BCKDHB: variants seen among roughly 807,000 people sequenced by gnomAD.
The protein encoded by BCKDHB is 2-oxoisovalerate dehydrogenase subunit beta, mitochondrial.
In BCKDHB, 41 loss-of-function variants were observed where a neutral mutation model predicts 48.5. The observed-to-expected ratio is 0.85, with a 90% CI of 0.66 to 1.10. BCKDHB has a LOEUF of 1.10. Among genes scored for constraint, BCKDHB ranks in the 50% least tolerant of loss-of-function variants. The probability of loss-of-function intolerance (pLI) is 0.00; values close to 1 mark genes in which losing one functional copy is unlikely to be tolerated. For synonymous variants in BCKDHB, 201 were observed against 174.8 expected (o/e 1.15, Z -1.18); for missense variants, 496 against 494.2 (o/e 1.00, Z -0.03).
At chr6:80,217,849 C>G (rs1335398906) in intron 8 of BCKDHB, among the ~76,000 whole-genome samples, 3 of 152,128 alleles carry the variant, frequency 2.0e-5, no homozygotes, top group Non-Finnish European at 4.4e-5. Context: ...AGCTTGGTAA[C>G]TAGAGCGAAG....
At chr6:80,356,340 G>T in the BCKDHB span, 1 of 152,162 alleles carries the variant, frequency 6.6e-6, no homozygotes, top group Non-Finnish European at 1.5e-5. Context: ...AACAATAAAA[G>T]TGTTCAAATA....
the BCKDHB span, among the ~76,000 whole-genome samples, chr6:80,464,050 CT>C: frequency 0.035 from 5,280 of 152,170 alleles, 321 homozygotes; most frequent in African/African-American, 0.12. Flanking sequence ...TGCCCTCCCA[CT>C]TTCTACCCGA....
chr6:80,381,414 C>T, the BCKDHB span, among the ~76,000 whole-genome samples: 3 of 152,018 alleles, frequency 2.0e-5, no homozygotes, highest in Non-Finnish European at 2.9e-5. Context: ...ATCGATAAAG[C>T]CATAAACAGA....
chr6:80,436,147 C>CT, the BCKDHB span, among the ~76,000 whole-genome samples: 36,758 of 69,504 alleles, frequency 0.53, 16,213 homozygotes, highest in East Asian at 0.79. Context: ...AAATTCTTTT[C>CT]TTTTTTTTTT....
the BCKDHB span, among the ~76,000 whole-genome samples, chr6:80,410,636 T>C: frequency 2.6e-5 from 4 of 152,216 alleles, no homozygotes; most frequent in East Asian, 3.8e-4. Flanking sequence ...GGAGGCTTTG[T>C]TCATTTCTTT....
chr6:80,218,095 G>A (rs574721518), intron 8 of BCKDHB, among the ~76,000 whole-genome samples: 3 of 152,270 alleles, frequency 2.0e-5, no homozygotes, highest in African/African-American at 7.2e-5. Flanking sequence ...ATGTGCTGGG[G>A]CAGATTGTAC....
intron 8 of BCKDHB, among the ~76,000 whole-genome samples, chr6:80,248,586 G>T (rs556875377): frequency 2.0e-5 from 3 of 152,296 alleles, no homozygotes; most frequent in East Asian, 3.9e-4. Flanking sequence ...CAGTGGTGCT[G>T]TCATTCACCA....
chr6:80,429,630 C>T, the BCKDHB span, among the ~76,000 whole-genome samples: 5,257 of 152,124 alleles, frequency 0.035, 316 homozygotes, highest in African/African-American at 0.12. Flanking sequence ...ATTCTCTTAG[C>T]AGCAATTGTG....
At chr6:80,433,498 C>T in the BCKDHB span, among the ~76,000 whole-genome samples, 3 of 152,200 alleles carry the variant, frequency 2.0e-5, no homozygotes, top group African/African-American at 7.2e-5. Context: ...CAATGGCAGA[C>T]ACCCCTCCCC....
At chr6:80,386,852 C>T in the BCKDHB span, among the ~76,000 whole-genome samples, 1 of 152,170 alleles carries the variant, frequency 6.6e-6, no homozygotes, top group Non-Finnish European at 1.5e-5. Flanking sequence ...CAGAGAATCA[C>T]AGCCCCTCAA....
chr6:80,131,309 A>C (rs148412004), intron 3 of BCKDHB, among the ~76,000 whole-genome samples: 13 of 152,340 alleles, frequency 8.5e-5, no homozygotes, highest in Admixed American at 3.3e-4. Context: ...ACATGCACCC[A>C]GCAAATATAT....
At chr6:80,138,236 C>T (rs1770991997) in intron 3 of BCKDHB, among the ~76,000 whole-genome samples, 1 of 151,978 alleles carries the variant, frequency 6.6e-6, no homozygotes. Context: ...ATATATTTTT[C>T]CCTCATTTAT....
chr6:80,336,072 A>T (rs1160798618), intron 9 of BCKDHB, among the ~76,000 whole-genome samples: 2 of 152,030 alleles, frequency 1.3e-5, no homozygotes, highest in Non-Finnish European at 2.9e-5. Context: ...TAAAATAGCA[A>T]AATTTATAAA....
At chr6:80,439,758 A>G in the BCKDHB span, among the ~76,000 whole-genome samples, 1 of 152,218 alleles carries the variant, frequency 6.6e-6, no homozygotes, top group Non-Finnish European at 1.5e-5. Context: ...AGCAGGGGAA[A>G]TCAATTCTAA....
chr6:80,380,709 T>C, the BCKDHB span, among the ~76,000 whole-genome samples: 5 of 151,788 alleles, frequency 3.3e-5, no homozygotes, highest in Admixed American at 1.3e-4. Flanking sequence ...ATATCCAGAA[T>C]CTACAAGTAG....
chr6:80,314,841 G>T (rs1041400255), intron 9 of BCKDHB, among the ~76,000 whole-genome samples: 3 of 152,214 alleles, frequency 2.0e-5, no homozygotes, highest in Admixed American at 1.3e-4. Context: ...AGAAGGAATA[G>T]ATCGGGGTCC....
downstream of BCKDHB, among the ~76,000 whole-genome samples, chr6:80,351,006 G>A (rs199651444): frequency 6.6e-6 from 1 of 152,172 alleles, no homozygotes; most frequent in East Asian, 1.9e-4. Flanking sequence ...TTATCCCTAA[G>A]TTATACTTTG....
intron 9 of BCKDHB, among the ~76,000 whole-genome samples, chr6:80,294,103 A>G (rs1373079793): frequency 6.6e-6 from 1 of 152,184 alleles, no homozygotes; most frequent in African/African-American, 2.4e-5. Context: ...AGTCAGTTCC[A>G]CATTTTCACA....
intron 8 of BCKDHB, among the ~76,000 whole-genome samples, chr6:80,258,204 A>G (rs1777139865): frequency 5.9e-5 from 9 of 152,164 alleles, no homozygotes; most frequent in Admixed American, 5.2e-4. Context: ...AGTGATTGAC[A>G]AGGCACTGTT....
Sources: allele counts gnomAD v4.1 joint callset (sites outside exome capture counted in the v4.1 genomes callset), GRCh38; gene constraint gnomAD v4.1.1; transcripts MANE v1.5; gene names NCBI Gene and HGNC (gene_info 2026-07-23, HGNC 2026-07-21).